Variants in KLF8 observed in about 807,000 individuals in gnomAD.
KLF8 encodes the protein KLF transcription factor 8.
Under a neutral mutation model 18.2 loss-of-function variants are expected in KLF8, and 10 were observed. The ratio of observed to expected loss-of-function variants is 0.55; its 90% CI spans 0.34 to 0.93. KLF8 has a LOEUF of 0.93. Among genes scored for constraint, KLF8 ranks in the 40% least tolerant of loss-of-function variants. KLF8 has a pLI of 0.02. For synonymous variants in KLF8, 109 were observed against 97.3 expected, an observed-to-expected ratio of 1.12 and a Z score of -0.71; for missense variants, 264 against 277.9, an observed-to-expected ratio of 0.95 and a Z score of 0.36.
chrX:56,105,776 A>G, the KLF8 span, among the ~76,000 whole-genome samples: 1 of 111,338 alleles, frequency 9.0e-6, no homozygotes, highest in South Asian at 3.8e-4. Flanking sequence ...TTAGGTAGTT[A>G]TTTTGCCCAT....
intron 2 of KLF8, among the ~76,000 whole-genome samples, chrX:56,253,717 C>T (rs938895846): frequency 7.1e-5 from 7 of 98,334 alleles, no homozygotes; most frequent in South Asian, 9.4e-4. Context: ...TATAAATTTT[C>T]GGATTTCGTT....
At chrX:56,183,750 A>G in the KLF8 span, among the ~76,000 whole-genome samples, 2 of 112,384 alleles carry the variant, frequency 1.8e-5, no homozygotes, top group African/African-American at 6.5e-5. Flanking sequence ...AGAGAAGATG[A>G]CAAAACAGAG....
At chrX:56,112,148 C>T in the KLF8 span, among the ~76,000 whole-genome samples, 5 of 111,660 alleles carry the variant, frequency 4.5e-5, no homozygotes, top group Admixed American at 2.8e-4. Context: ...AATACTATGC[C>T]GCCATAAAAA....
chrX:56,086,834 C>A, the KLF8 span, among the ~76,000 whole-genome samples: 1 of 111,036 alleles, frequency 9.0e-6, no homozygotes, highest in African/African-American at 3.3e-5. Flanking sequence ...GCAATCAGCA[C>A]TAAGATGTAC....
intron 2 of KLF8, among the ~76,000 whole-genome samples, chrX:56,251,672 A>T (rs1272408594): frequency 9.1e-6 from 1 of 110,335 alleles, no homozygotes; most frequent in Non-Finnish European, 1.9e-5. Flanking sequence ...CATATTGGCT[A>T]GGCTGGTCTC....
At chrX:55,976,599 T>C in the KLF8 span, among the ~76,000 whole-genome samples, 1 of 13 alleles carries the variant, frequency 0.077, no homozygotes, top group East Asian at 1. Context: ...CCCCATGTTT[T>C]CTGATTCCTT....
At chrX:56,121,482 T>G in the KLF8 span, among the ~76,000 whole-genome samples, 1 of 112,578 alleles carries the variant, frequency 8.9e-6, no homozygotes, top group Admixed American at 9.4e-5. Context: ...TCCTTTAGTT[T>G]TCACGTGGCT....
chrX:56,189,908 A>C, the KLF8 span, among the ~76,000 whole-genome samples: 1 of 103,203 alleles, frequency 9.7e-6, no homozygotes, highest in Non-Finnish European at 2.0e-5. Flanking sequence ...ATTAGGAGAT[A>C]TACCTAATGC....
chrX:55,930,907 T>A, the KLF8 span, among the ~76,000 whole-genome samples: 41 of 112,055 alleles, frequency 3.7e-4, no homozygotes, highest in African/African-American at 1.3e-3. Context: ...ATAAAATGAG[T>A]TAGGGAGGAT....
At chrX:56,037,743 T>C in the KLF8 span, among the ~76,000 whole-genome samples, 2 of 110,858 alleles carry the variant, frequency 1.8e-5, no homozygotes, top group African/African-American at 6.5e-5. Context: ...GATATAGGCA[T>C]GCAATGTGAA....
the KLF8 span, among the ~76,000 whole-genome samples, chrX:56,058,279 C>CGT: frequency 0.05 from 360 of 7,157 alleles, 21 homozygotes; most frequent in South Asian, 0.11. Context: ...CATATATATA[C>CGT]ATATATATAT....
chrX:56,281,765 C>A (rs1299573384), intron 5 of KLF8, among the ~76,000 whole-genome samples: 2 of 112,515 alleles, frequency 1.8e-5, no homozygotes, highest in Admixed American at 9.4e-5. Flanking sequence ...ATTATGAATT[C>A]TTTCTCTGCA....
At chrX:56,050,710 T>C in the KLF8 span, among the ~76,000 whole-genome samples, 2 of 112,070 alleles carry the variant, frequency 1.8e-5, no homozygotes, top group Admixed American at 1.9e-4. Context: ...TTTTGGAATA[T>C]GTGTGGTGTG....
At chrX:56,127,622 G>A in the KLF8 span, among the ~76,000 whole-genome samples, 2 of 111,509 alleles carry the variant, frequency 1.8e-5, no homozygotes, top group Non-Finnish European at 3.8e-5. Context: ...GCTGTGATCA[G>A]GCCCTTACCT....
the KLF8 span, among the ~76,000 whole-genome samples, chrX:56,136,339 C>A: frequency 1.8e-5 from 2 of 111,642 alleles, no homozygotes. Context: ...CATCACACTA[C>A]CTGACTTCAA....
At chrX:56,270,421 AG>A in intron 5 of KLF8, 100 bp downstream of exon 5, 1 of 871,188 alleles carries the variant, frequency 1.1e-6, no homozygotes, top group Non-Finnish European at 1.5e-6. Flanking sequence ...AGAGAGAGAG[AG>A]GGGCAGAGAG....
chrX:56,128,854 G>A, the KLF8 span, among the ~76,000 whole-genome samples: 1 of 112,441 alleles, frequency 8.9e-6, no homozygotes, highest in Non-Finnish European at 1.9e-5. Flanking sequence ...AAATGTAGCT[G>A]ATGAGATTTG....
the KLF8 span, among the ~76,000 whole-genome samples, chrX:56,071,570 G>T: frequency 8.9e-6 from 1 of 111,938 alleles, no homozygotes; most frequent in African/African-American, 3.2e-5. Flanking sequence ...GAAGTCAGCA[G>T]CTTGTGCAGG....
chrX:56,021,303 A>G, the KLF8 span, among the ~76,000 whole-genome samples: 9,795 of 111,488 alleles, frequency 0.088, 1,075 homozygotes, highest in African/African-American at 0.31. Flanking sequence ...TTCATTTCTC[A>G]GTAGTATTTC....
Sources: gnomAD v4.1 joint callset for allele counts (sites outside exome capture counted in the v4.1 genomes callset) on GRCh38, gnomAD v4.1.1 for gene constraint, MANE v1.5 for transcripts, NCBI Gene and HGNC (gene_info 2026-07-23, HGNC 2026-07-21) for gene names.